Variants in SUGCT observed in about 807,000 individuals in gnomAD.
The protein encoded by SUGCT is succinyl-CoA:glutarate-CoA transferase.
SUGCT carries 41 observed loss-of-function variants against 55.0 expected under a neutral mutation model. That is an observed-to-expected ratio of 0.74 (90% CI 0.58 to 0.97). The LOEUF (loss-of-function observed/expected upper bound fraction) is 0.97, where lower values mean the gene tolerates loss of function less well. SUGCT is among the 50% of genes least tolerant of loss of function. The pLI, the probability that SUGCT is intolerant of heterozygous loss-of-function variation, is 0.00. For missense variants in SUGCT, 568 were observed against 547.8 expected, an observed-to-expected ratio of 1.04 and a Z score of -0.37; for synonymous variants, 187 against 200.4, an observed-to-expected ratio of 0.93 and a Z score of 0.56.
At chr7:40,624,772 A>AACACACACACACAC (rs71791486) in intron 12 of SUGCT, among the ~76,000 whole-genome samples, 11 of 137,396 alleles carry the variant, frequency 8.0e-5, no homozygotes, top group African/African-American at 3.1e-4. Context: ...TTTCTGTGCA[A>AACACACACACACAC]ACACACACAC....
intron 7 of SUGCT, among the ~76,000 whole-genome samples, chr7:40,272,791 C>T (rs1792177715): frequency 2.6e-5 from 4 of 151,520 alleles, no homozygotes; most frequent in Non-Finnish European, 5.9e-5. Context: ...TCCTGAGTAG[C>T]CGGGATTACA....
chr7:40,192,912 TATGA>T (rs1786000473), intron 5 of SUGCT, among the ~76,000 whole-genome samples: 1 of 151,456 alleles, frequency 6.6e-6, no homozygotes, highest in Non-Finnish European at 1.5e-5. Context: ...GGATTGCAGG[TATGA>T]GCTACTGTGC....
At chr7:40,251,361 C>T (rs924406105) in intron 7 of SUGCT, among the ~76,000 whole-genome samples, 11 of 152,166 alleles carry the variant, frequency 7.2e-5, no homozygotes, top group African/African-American at 2.7e-4. Context: ...TAACCTAACT[C>T]TAGTCAAGTT....
chr7:40,924,498 C>G, the SUGCT span, among the ~76,000 whole-genome samples: 1 of 152,166 alleles, frequency 6.6e-6, no homozygotes, highest in South Asian at 2.1e-4. Context: ...AAGCGATCTG[C>G]CTGTCTTGGC....
At chr7:40,976,763 A>G in the SUGCT span, among the ~76,000 whole-genome samples, 1 of 152,150 alleles carries the variant, frequency 6.6e-6, no homozygotes, top group African/African-American at 2.4e-5. Context: ...AAAACCTGAA[A>G]TCCCCTTTTC....
intron 13 of SUGCT, among the ~76,000 whole-genome samples, chr7:40,757,302 CA>C (rs1172022457): frequency 2.6e-5 from 4 of 152,296 alleles, no homozygotes; most frequent in African/African-American, 9.6e-5. Context: ...TGATACAACT[CA>C]GGGATCTCCA....
rs201119212 is a variant in SUGCT at position 40,247,266 on chromosome 7, T to TC, written c.576+9540_576+9541insC. On this transcript the variant is annotated intron_variant, in intron 7 of 13. Coordinates refer to ENST00000335693, the MANE Select transcript of SUGCT (RefSeq NM_001193313.2). ...CCAACTCTTGATAATGCAAGTCTTT[T>TC]TTTGTGTGAGACAGAGTCTTGCTCT... Among the ~76,000 whole-genome samples the TC allele has an allele frequency of 6.1e-3, 932 of 152,184 alleles. 10 individuals are homozygous for TC. The highest frequency in any genetic ancestry group is 0.021 in the African/African-American group (882 of 41,536).
chr7:41,020,818 G>GA, the SUGCT span, among the ~76,000 whole-genome samples: 1 of 152,120 alleles, frequency 6.6e-6, no homozygotes, highest in Non-Finnish European at 1.5e-5. Flanking sequence ...TATCTCAGGG[G>GA]AAAAATGAAT....
intron 6 of SUGCT, among the ~76,000 whole-genome samples, chr7:40,203,130 C>T (rs1404998845): frequency 6.6e-6 from 1 of 152,168 alleles, no homozygotes; most frequent in Non-Finnish European, 1.5e-5. Context: ...GCTTGCTCCT[C>T]TCTTATGACA....
chr7:40,800,730 C>T (rs1790775648), intron 13 of SUGCT, among the ~76,000 whole-genome samples: 2 of 152,144 alleles, frequency 1.3e-5, no homozygotes, highest in Non-Finnish European at 1.5e-5. Flanking sequence ...ACAGGGCATA[C>T]AGAGGGTTCT....
At chr7:40,215,949 G>A (rs997423374) in intron 6 of SUGCT, among the ~76,000 whole-genome samples, 2 of 152,034 alleles carry the variant, frequency 1.3e-5, no homozygotes, top group Non-Finnish European at 2.9e-5. Flanking sequence ...TGAATGGTTT[G>A]GGATTTCGAA....
At chr7:40,813,945 C>T (rs754969159) in intron 13 of SUGCT, among the ~76,000 whole-genome samples, 29 of 152,142 alleles carry the variant, frequency 1.9e-4, no homozygotes, top group East Asian at 7.7e-4. Context: ...TTTGCTTGCC[C>T]GGAAAAGATT....
chr7:40,398,983 C>G (rs1233609820), intron 9 of SUGCT, among the ~76,000 whole-genome samples: 1 of 152,074 alleles, frequency 6.6e-6, no homozygotes, highest in Non-Finnish European at 1.5e-5. Context: ...TTTTATAACT[C>G]CACTGCACAC....
At chr7:40,486,315 T>C (rs1479376477) in intron 11 of SUGCT, among the ~76,000 whole-genome samples, 1 of 152,220 alleles carries the variant, frequency 6.6e-6, no homozygotes, top group East Asian at 1.9e-4. Flanking sequence ...ATGTCAGTTG[T>C]AATGTCTTTT....
At position 40,630,454 on chromosome 7, in the gene SUGCT, G is replaced by C. The variant is rs535951637; in HGVS notation, c.1090-118980G>C. ...ATTTCAGAAGAAAGAGCGACCAACAGAAAGGATAAGCAGAAACTAAAAAAT... is the reference window on the plus strand; with the variant it reads ...ATTTCAGAAGAAAGAGCGACCAACACAAAGGATAAGCAGAAACTAAAAAAT... On this transcript the variant is annotated intron_variant, in intron 12 of 13. Transcript: ENST00000335693. Among the ~76,000 whole-genome samples, 11 of 152,292 alleles carry C rather than the reference G, an allele frequency of 7.2e-5. No homozygotes were observed. The East Asian group carries it at 2.1e-3, about 29-fold the overall frequency.
At chr7:40,585,628 C>T (rs1365112886) in intron 12 of SUGCT, among the ~76,000 whole-genome samples, 1 of 152,160 alleles carries the variant, frequency 6.6e-6, no homozygotes, top group Non-Finnish European at 1.5e-5. Flanking sequence ...CCCCACTTGG[C>T]CTCCTAAAGT....
the SUGCT span, among the ~76,000 whole-genome samples, chr7:40,981,379 C>T: frequency 6.6e-6 from 1 of 152,158 alleles, no homozygotes; most frequent in Non-Finnish European, 1.5e-5. Flanking sequence ...TTCACACTGG[C>T]AGTGTCTTTG....
the SUGCT span, among the ~76,000 whole-genome samples, chr7:40,958,394 G>A: frequency 6.6e-5 from 10 of 151,590 alleles, no homozygotes; most frequent in South Asian, 2.1e-3. Context: ...TTGTCTTCAC[G>A]CTTTATTTCA....
At chr7:40,983,101 T>C in the SUGCT span, among the ~76,000 whole-genome samples, 50 of 152,362 alleles carry the variant, frequency 3.3e-4, no homozygotes, top group Middle Eastern at 3.4e-3. Flanking sequence ...GCTTTAGTAA[T>C]GCACAAGTCG....
Sources: allele counts gnomAD v4.1 joint callset (sites outside exome capture counted in the v4.1 genomes callset), GRCh38; gene constraint gnomAD v4.1.1; transcripts MANE v1.5; gene names NCBI Gene and HGNC (gene_info 2026-07-23, HGNC 2026-07-21).